BRD10: variants seen among roughly 807,000 people sequenced by gnomAD.
BRD10 encodes uncharacterized bromodomain-containing protein 10.
At chr9:5,945,822 GAAACA>G in the BRD10 span, among the ~76,000 whole-genome samples, 1 of 151,776 alleles carries the variant, frequency 6.6e-6, no homozygotes, top group Non-Finnish European at 1.5e-5. Flanking sequence ...CTAGATTTCT[GAAACA>G]AAACTACAAC....
the BRD10 span, among the ~76,000 whole-genome samples, chr9:5,967,157 G>C: frequency 6.6e-6 from 1 of 151,856 alleles, no homozygotes; most frequent in Admixed American, 6.6e-5. Flanking sequence ...AAACAATGAT[G>C]ATGAAGAGCC....
At chr9:5,986,926 T>A in the BRD10 span, among the ~76,000 whole-genome samples, 1 of 152,252 alleles carries the variant, frequency 6.6e-6, no homozygotes, top group Admixed American at 6.5e-5. Context: ...GGACTCACCT[T>A]TTCAAGCTCT....
the BRD10 span, among the ~76,000 whole-genome samples, chr9:5,884,133 G>A: frequency 6.6e-6 from 1 of 152,168 alleles, no homozygotes; most frequent in Admixed American, 6.5e-5. Context: ...TCAGGTATAA[G>A]CTGCTGCTTC....
the BRD10 span, among the ~76,000 whole-genome samples, chr9:5,970,423 T>C: frequency 6.6e-6 from 1 of 152,162 alleles, no homozygotes; most frequent in Non-Finnish European, 1.5e-5. Context: ...GAGTGCTTTT[T>C]TCCCCCTTAA....
At chr9:5,951,796 A>G in the BRD10 span, among the ~76,000 whole-genome samples, 2 of 140,500 alleles carry the variant, frequency 1.4e-5, no homozygotes, top group Non-Finnish European at 2.9e-5. Context: ...TATTTTATTA[A>G]TGTGTGTATT....
the BRD10 span, chr9:5,968,718 G>C: frequency 6.2e-7 from 1 of 1,613,746 alleles, no homozygotes; most frequent in Non-Finnish European, 8.5e-7. Flanking sequence ...TTAATCCGAG[G>C]TACTCTTTGT....
chr9:5,904,293 T>C, the BRD10 span, among the ~76,000 whole-genome samples: 10 of 152,238 alleles, frequency 6.6e-5, no homozygotes, highest in African/African-American at 2.4e-4. Context: ...TTTAGACCAT[T>C]GATATTCAAA....
chr9:5,996,966 G>A, the BRD10 span, among the ~76,000 whole-genome samples: 1 of 152,258 alleles, frequency 6.6e-6, no homozygotes, highest in East Asian at 1.9e-4. Flanking sequence ...AAAGTACGCA[G>A]GTAAATACCT....
the BRD10 span, among the ~76,000 whole-genome samples, chr9:5,971,918 G>GA: frequency 0.044 from 6,600 of 150,868 alleles, 383 homozygotes; most frequent in African/African-American, 0.13. Context: ...GTGGTGAGAG[G>GA]AAAAAAAAAT....
chr9:5,964,607 G>A, the BRD10 span, among the ~76,000 whole-genome samples: 6 of 139,102 alleles, frequency 4.3e-5, no homozygotes, highest in Non-Finnish European at 7.7e-5. Flanking sequence ...ACATGCACAC[G>A]TATGTTTATT....
At chr9:5,989,235 TAAAAAAAAA>T in the BRD10 span, among the ~76,000 whole-genome samples, 96 of 46,184 alleles carry the variant, frequency 2.1e-3, 2 homozygotes, top group African/African-American at 7.2e-3. Context: ...TCTGTCTCAT[TAAAAAAAAA>T]AAAAAAAAAA....
At chr9:5,921,289 C>G in the BRD10 span, 5 of 1,613,822 alleles carry the variant, frequency 3.1e-6, no homozygotes, top group Non-Finnish European at 4.2e-6. Context: ...CATCCTTTAT[C>G]TGAGACACAG....
At chr9:5,976,188 G>C in the BRD10 span, among the ~76,000 whole-genome samples, 5 of 152,040 alleles carry the variant, frequency 3.3e-5, no homozygotes, top group African/African-American at 4.8e-5. Context: ...TTAAACTAGA[G>C]AGTGTGTAAA....
the BRD10 span, among the ~76,000 whole-genome samples, chr9:5,896,680 T>A: frequency 1.3e-5 from 2 of 152,202 alleles, no homozygotes; most frequent in African/African-American, 4.8e-5. Flanking sequence ...AGGCAGATGT[T>A]AGCTAATTGA....
chr9:5,881,559 C>G, the BRD10 span: 1 of 152,092 alleles, frequency 6.6e-6, no homozygotes, highest in African/African-American at 2.4e-5. Flanking sequence ...CTCAGGGTTG[C>G]CCTCAGGAGC....
chr9:5,941,912 G>A, the BRD10 span, among the ~76,000 whole-genome samples: 1 of 152,076 alleles, frequency 6.6e-6, no homozygotes, highest in East Asian at 1.9e-4. Context: ...GCCTCCTGAT[G>A]CAGCTAGGTG....
the BRD10 span, chr9:5,969,059 T>C: frequency 3.1e-6 from 5 of 1,613,050 alleles, no homozygotes; most frequent in Admixed American, 3.3e-5. Context: ...AGCACAGTTA[T>C]CAGGATTTTC....
chr9:5,901,224 T>C, the BRD10 span, among the ~76,000 whole-genome samples: 1 of 152,198 alleles, frequency 6.6e-6, no homozygotes. Flanking sequence ...TTTTCCAGTT[T>C]ATTGCATTAG....
chr9:5,901,894 T>C, the BRD10 span, among the ~76,000 whole-genome samples: 1 of 152,234 alleles, frequency 6.6e-6, no homozygotes, highest in South Asian at 2.1e-4. Context: ...TAATTCCTTT[T>C]ATACATTGTT....
Sources: allele counts gnomAD v4.1 joint callset (sites outside exome capture counted in the v4.1 genomes callset), GRCh38; gene constraint gnomAD v4.1.1; transcripts MANE v1.5; gene names NCBI Gene and HGNC (gene_info 2026-07-23, HGNC 2026-07-21).